The following SLC35F2 variants were observed in gnomAD, a reference collection of about 807,000 sequenced individuals.
The protein encoded by SLC35F2 is queuine/queuosine transporter SLC35F2.
A neutral mutation model predicts 38.1 loss-of-function variants in SLC35F2; 25 were observed. The ratio of observed to expected loss-of-function variants is 0.66; its 90% CI spans 0.48 to 0.92. The LOEUF is 0.92. Among genes scored for constraint, SLC35F2 ranks in the 40% least tolerant of loss-of-function variants. The probability of loss-of-function intolerance (pLI) is 0.00; values close to 1 mark genes in which losing one functional copy is unlikely to be tolerated. For missense variants in SLC35F2, 409 were observed against 452.9 expected, an observed-to-expected ratio of 0.90 and a Z score of 0.88; for synonymous variants, 173 against 181.7, an observed-to-expected ratio of 0.95 and a Z score of 0.38.
intron 1 of SLC35F2, among the ~76,000 whole-genome samples, chr11:107,830,583 C>CA (rs66495434): frequency 0.18 from 17,640 of 95,408 alleles, 2,117 homozygotes; most frequent in African/African-American, 0.38. Context: ...GACTCAGTCT[C>CA]AAAAAAAAAA....
chr11:107,849,179 C>T (rs1228605859), intron 1 of SLC35F2, among the ~76,000 whole-genome samples: 2 of 152,054 alleles, frequency 1.3e-5, no homozygotes, highest in Non-Finnish European at 1.5e-5. Context: ...TGATACACAG[C>T]GAATTCTCAT....
At chr11:107,793,117 A>C (rs911153087) in intron 7 of SLC35F2, among the ~76,000 whole-genome samples, 4 of 151,980 alleles carry the variant, frequency 2.6e-5, no homozygotes, top group Non-Finnish European at 5.9e-5. Context: ...GGGTTTTTCC[A>C]TGTTGCCCAG....
intron 1 of SLC35F2, chr11:107,823,926 C>CAAAAAA (rs58357861): frequency 7.7e-6 from 5 of 648,390 alleles, no homozygotes; most frequent in East Asian, 1.6e-4. Flanking sequence ...AAGACAGTCT[C>CAAAAAA]AAAAAAAAAA....
At chr11:107,850,195 C>T (rs1425192165) in intron 1 of SLC35F2, among the ~76,000 whole-genome samples, 1 of 152,092 alleles carries the variant, frequency 6.6e-6, no homozygotes, top group African/African-American at 2.4e-5. Flanking sequence ...GGACTCAGAC[C>T]CAAGCCTGGC....
intron 4 of SLC35F2, 69 bp downstream of exon 4, chr11:107,806,648 G>A: frequency 1.4e-6 from 2 of 1,426,228 alleles, no homozygotes; most frequent in Non-Finnish European, 2.0e-6. Context: ...AAGTTTCTTT[G>A]TTGATATAAA....
intron 1 of SLC35F2, chr11:107,858,370 G>A: frequency 3.8e-6 from 1 of 259,794 alleles, no homozygotes; most frequent in Non-Finnish European, 7.1e-6. Context: ...GAACGCCCCA[G>A]AGGACCGACC....
At chr11:107,839,725 C>T (rs1475084544) in intron 1 of SLC35F2, among the ~76,000 whole-genome samples, 2 of 152,158 alleles carry the variant, frequency 1.3e-5, no homozygotes, top group Non-Finnish European at 2.9e-5. Flanking sequence ...GCGATCTCGG[C>T]TCATCGCAAC....
chr11:107,808,681 TG>T (rs970541658), intron 3 of SLC35F2, among the ~76,000 whole-genome samples: 2 of 152,164 alleles, frequency 1.3e-5, no homozygotes, highest in Admixed American at 6.5e-5. Flanking sequence ...ACGCATCATG[TG>T]TAGGAATGGG....
chr11:107,796,279 T>C (rs1357985443), intron 7 of SLC35F2, among the ~76,000 whole-genome samples: 1 of 152,196 alleles, frequency 6.6e-6, no homozygotes, highest in Non-Finnish European at 1.5e-5. Flanking sequence ...ACTGGGTATT[T>C]ATCCAAAGGA....
At chr11:107,799,899 T>TTTGTTTG in intron 7 of SLC35F2, among the ~76,000 whole-genome samples, 1 of 150,126 alleles carries the variant, frequency 6.7e-6, no homozygotes, top group South Asian at 2.1e-4. Flanking sequence ...TTTTGTTTTT[T>TTTGTTTG]TTTTTTTGAG....
chr11:107,858,215 T>C (rs1406350813), intron 1 of SLC35F2, among the ~76,000 whole-genome samples: 2 of 152,146 alleles, frequency 1.3e-5, no homozygotes. Context: ...CGGTCAACTC[T>C]TGAATCACCG....
chr11:107,836,343 T>G (rs1859931404), intron 1 of SLC35F2, among the ~76,000 whole-genome samples: 1 of 151,938 alleles, frequency 6.6e-6, no homozygotes, highest in Non-Finnish European at 1.5e-5. Context: ...GCTTTTTTTT[T>G]GTCTGGTGGG....
At chr11:107,805,971 C>T (rs519965) in intron 4 of SLC35F2, among the ~76,000 whole-genome samples, 71,865 of 151,854 alleles carry the variant, frequency 0.47, 17,491 homozygotes, top group Non-Finnish European at 0.53. Flanking sequence ...TGGTAGAGAC[C>T]GAGGTTTCAC....
chr11:107,845,572 C>T (rs1372312041), intron 1 of SLC35F2, among the ~76,000 whole-genome samples: 1 of 152,006 alleles, frequency 6.6e-6, no homozygotes, highest in East Asian at 1.9e-4. Context: ...TTGGATTTAC[C>T]TGTGGTTTTT....
chr11:107,793,967 A>G (rs1565425585), intron 7 of SLC35F2, among the ~76,000 whole-genome samples: 1 of 152,212 alleles, frequency 6.6e-6, no homozygotes, highest in African/African-American at 2.4e-5. Flanking sequence ...ATATATATGG[A>G]AAAATGATAT....
In SLC35F2 at chr11:107,830,368, G is replaced by A. The variant is rs896490344; in HGVS notation, c.111-14403C>T. ...TGGGAGGCCGAGGCGGGCAGATCAC[G>A]AGGTCAAGAGATCGAGAACATCCTG... On this transcript the variant is annotated intron_variant, in intron 1 of 7. Coordinates refer to ENST00000525815, the MANE Select transcript of SLC35F2 (RefSeq NM_017515.5). Among the ~76,000 whole-genome samples the A allele has an allele frequency of 8.5e-5, 13 of 152,064 alleles. No individual in the cohort carries two copies. The East Asian group carries it at 2.1e-3, about 25-fold the overall frequency.
intron 3 of SLC35F2, among the ~76,000 whole-genome samples, chr11:107,807,092 A>T (rs933895735): frequency 6.6e-6 from 1 of 152,076 alleles, no homozygotes; most frequent in Admixed American, 6.6e-5. Flanking sequence ...ATACATGAGA[A>T]AATGAAGATA....
At chr11:107,809,903 A>G (rs1222393813) in intron 3 of SLC35F2, 1 of 985,308 alleles carries the variant, frequency 1.0e-6, no homozygotes, top group African/African-American at 1.7e-5. Flanking sequence ...GGGGAGAAGG[A>G]GCAGGCCATG....
intron 1 of SLC35F2, among the ~76,000 whole-genome samples, chr11:107,824,528 A>G (rs1859723980): frequency 6.6e-6 from 1 of 152,246 alleles, no homozygotes; most frequent in South Asian, 2.1e-4. Flanking sequence ...GGAAAAGGCT[A>G]GTAGAGAGTG....
Sources: gnomAD v4.1 joint callset for allele counts (sites outside exome capture counted in the v4.1 genomes callset) on GRCh38, gnomAD v4.1.1 for gene constraint, MANE v1.5 for transcripts, NCBI Gene and HGNC (gene_info 2026-07-23, HGNC 2026-07-21) for gene names.